The following ADGRL3 variants were observed in gnomAD, a reference collection of about 807,000 sequenced individuals.
ADGRL3 encodes the protein calcium-independent alpha-latrotoxin receptor 3.
Under a neutral mutation model 153.5 loss-of-function variants are expected in ADGRL3, and 62 were observed. That is an observed-to-expected ratio of 0.40 (90% confidence interval 0.33 to 0.50). The LOEUF (loss-of-function observed/expected upper bound fraction) is 0.50. Among genes scored for constraint, ADGRL3 ranks in the 20% least tolerant of loss-of-function variants. The pLI is 0.47. For missense variants in ADGRL3, 1,641 were observed against 1,859.4 expected (o/e 0.88, Z 2.16); for synonymous variants, 710 against 672.5 (o/e 1.06, Z -0.86).
intron 9 of ADGRL3, among the ~76,000 whole-genome samples, chr4:61,844,276 G>A (rs1044263397): frequency 1.8e-4 from 27 of 151,172 alleles, no homozygotes; most frequent in South Asian, 4.2e-4. Flanking sequence ...GGCCAGGCGC[G>A]GTGGCTCACG....
chr4:61,659,339 A>T (rs1485197795), intron 5 of ADGRL3, among the ~76,000 whole-genome samples: 1 of 152,194 alleles, frequency 6.6e-6, no homozygotes, highest in Non-Finnish European at 1.5e-5. Context: ...TTTTCGTATC[A>T]TCCGTGCATA....
intron 8 of ADGRL3, among the ~76,000 whole-genome samples, chr4:61,743,549 A>T (rs991678116): frequency 6.6e-6 from 1 of 152,192 alleles, no homozygotes; most frequent in African/African-American, 2.4e-5. Flanking sequence ...GATGAAATAG[A>T]TTATTTTTAA....
intron 23 of ADGRL3, among the ~76,000 whole-genome samples, chr4:62,036,041 A>G (rs569293254): frequency 3.3e-5 from 5 of 152,260 alleles, no homozygotes; most frequent in South Asian, 4.1e-4. Context: ...TTTTTAAAAT[A>G]CACAAAATAT....
chr4:61,563,862 G>T (rs986729614), intron 4 of ADGRL3, among the ~76,000 whole-genome samples: 4 of 152,066 alleles, frequency 2.6e-5, no homozygotes, highest in South Asian at 2.1e-4. Context: ...ACAAAAATTA[G>T]CTGGGCGTGG....
chr4:61,761,829 G>T (rs781432700), intron 8 of ADGRL3, among the ~76,000 whole-genome samples: 1 of 152,192 alleles, frequency 6.6e-6, no homozygotes, highest in Non-Finnish European at 1.5e-5. Flanking sequence ...TCCTCAGGTG[G>T]CTGACGTGAG....
rs547019670 is a variant in ADGRL3, at chr4:61,554,408, C to G, written c.260-32819C>G. 4.0e-4 allele frequency among the ~76,000 whole-genome samples: 61 copies of G among 152,064 alleles called. 1 individual carries two copies. The highest frequency in any genetic ancestry group is 2.0e-4 in the Admixed American group (3 of 15,256). On this transcript the variant is annotated intron_variant, in intron 4 of 26. Transcript: ENST00000683033. The stretch of plus-strand genomic sequence containing the variant: ...ACGGGGTTTCACAATGTTGGTCAGG[C>G]TGGTCTCAAACTCCTGACTTCAAAT...
chr4:61,814,682 G>A (rs546998731), intron 9 of ADGRL3, among the ~76,000 whole-genome samples: 9 of 152,200 alleles, frequency 5.9e-5, no homozygotes, highest in Admixed American at 3.3e-4. Flanking sequence ...TGACGTTTCT[G>A]AACATGTTTT....
At chr4:61,939,662 G>A (rs140043020) in intron 15 of ADGRL3, among the ~76,000 whole-genome samples, 3 of 152,022 alleles carry the variant, frequency 2.0e-5, no homozygotes, top group African/African-American at 7.2e-5. Context: ...TAGAGACAGG[G>A]TTTCGCCATA....
intron 23 of ADGRL3, 44 bp downstream of exon 23, chr4:62,031,654 C>A: frequency 7.2e-7 from 1 of 1,384,198 alleles, no homozygotes; most frequent in South Asian, 1.3e-5. Context: ...GCATACATTT[C>A]ATGATAGCAA....
chr4:61,365,042 T>C (rs1265520700), intron 1 of ADGRL3, among the ~76,000 whole-genome samples: 1 of 152,176 alleles, frequency 6.6e-6, no homozygotes. Context: ...AAAAAATGCT[T>C]ATCTGGAGAA....
chr4:61,918,338 A>T (rs2098753736), intron 13 of ADGRL3, among the ~76,000 whole-genome samples: 2 of 152,192 alleles, frequency 1.3e-5, no homozygotes, highest in African/African-American at 2.4e-5. Context: ...TAAGTTTGAG[A>T]TTCTTATTAG....
chr4:61,376,570 C>A (rs1417722860), intron 1 of ADGRL3, among the ~76,000 whole-genome samples: 2 of 152,020 alleles, frequency 1.3e-5, no homozygotes, highest in Non-Finnish European at 2.9e-5. Flanking sequence ...ACCCCCTGCC[C>A]CAGGTCATTA....
At chr4:61,836,353 A>G (rs2097934930) in intron 9 of ADGRL3, among the ~76,000 whole-genome samples, 2 of 152,194 alleles carry the variant, frequency 1.3e-5, no homozygotes, top group African/African-American at 4.8e-5. Context: ...GACAAAAATT[A>G]TTGAAACATT....
intron 1 of ADGRL3, among the ~76,000 whole-genome samples, chr4:61,255,461 G>A (rs974540): frequency 0.75 from 113,918 of 152,046 alleles, 42,831 homozygotes; most frequent in African/African-American, 0.77. Context: ...CCAGTTGGAC[G>A]TTATCTTCCA....
At chr4:61,705,480 T>G (rs1447566272) in intron 6 of ADGRL3, among the ~76,000 whole-genome samples, 1 of 148,598 alleles carries the variant, frequency 6.7e-6, no homozygotes, top group African/African-American at 2.4e-5. Flanking sequence ...AGATTACATA[T>G]AGTTATACAT....
intron 2 of ADGRL3, chr4:61,426,989 T>A (rs991435048): frequency 6.6e-6 from 1 of 152,176 alleles, no homozygotes; most frequent in African/African-American, 2.4e-5. Flanking sequence ...TTCCCCTTTT[T>A]TATGGCACAA....
In ADGRL3 at chr4:61,866,598, TC is replaced by T. The variant is rs567751954; in HGVS notation, c.1481-26056del. Reference sequence around the variant, plus strand: ...CCCAGAGCTACTTCATTCTCTTGCTTCCTGTCAGTGCTGAGGCTGGAAAACA... The same window carrying T: ...CCCAGAGCTACTTCATTCTCTTGCTTCTGTCAGTGCTGAGGCTGGAAAACA... On this transcript the variant is annotated intron_variant, in intron 9 of 26. Transcript: ENST00000683033. 7.9e-5 allele frequency among the ~76,000 whole-genome samples: 12 copies of T among 152,310 alleles called. 1 individual carries two copies. In the South Asian group the frequency reaches 2.3e-3, roughly 29 times the overall value.
chr4:61,326,746 A>G lies in ADGRL3; in HGVS notation c.-239-56378A>G, dbSNP rs1027896847. On this transcript the variant is annotated intron_variant, in intron 1 of 26. Coordinates refer to ENST00000683033, the MANE Select transcript of ADGRL3 (RefSeq NM_001387552.1). ...CTTCTTTTGGGGAGCTATTGCTCAA[A>G]AGCTTTGGGGTAAATTTTCAACACA... Among the ~76,000 whole-genome samples the G allele has an allele frequency of 6.6e-5, 10 of 151,970 alleles. No homozygotes were observed. In the South Asian group the frequency reaches 2.1e-3, roughly 32 times the overall value.
chr4:61,777,549 A>T (rs1171060484), intron 8 of ADGRL3, among the ~76,000 whole-genome samples: 1 of 152,142 alleles, frequency 6.6e-6, no homozygotes, highest in African/African-American at 2.4e-5. Context: ...TCTGAAGATT[A>T]ATCTAATAAT....
Sources: gnomAD v4.1 joint callset for allele counts (sites outside exome capture counted in the v4.1 genomes callset) on GRCh38, gnomAD v4.1.1 for gene constraint, MANE v1.5 for transcripts, NCBI Gene and HGNC (gene_info 2026-07-23, HGNC 2026-07-21) for gene names.